POLD1: variants seen among roughly 807,000 people sequenced by gnomAD.
The protein encoded by POLD1 is DNA polymerase delta 1, catalytic subunit.
A neutral mutation model predicts 129.7 loss-of-function variants in POLD1; 79 were observed. The observed-to-expected ratio is 0.61, with a 90% CI of 0.51 to 0.73. The LOEUF (loss-of-function observed/expected upper bound fraction) is 0.73. Ranked by LOEUF, POLD1 falls within the 30% of genes least tolerant of loss-of-function variation. The probability of loss-of-function intolerance (pLI) is 0.00; values close to 1 mark genes in which losing one functional copy is unlikely to be tolerated. For synonymous variants in POLD1, 714 were observed against 683.3 expected (o/e 1.04, Z -0.70); for missense variants, 1,338 against 1,595.8 (o/e 0.84, Z 2.75).
chr19:50,408,638 C>T (rs2038983142), intron 14 of POLD1, 147 bp from the exon 15 acceptor site: 2 of 1,230,930 alleles, frequency 1.6e-6, no homozygotes, highest in African/African-American at 1.5e-5. Flanking sequence ...CTGCCTCAGC[C>T]TCCCAATGTG....
At chr19:50,416,840 G>C in intron 24 of POLD1, 117 bp downstream of exon 24, 1 of 965,826 alleles carries the variant, frequency 1.0e-6, no homozygotes, top group South Asian at 1.7e-5. Context: ...CAGGGCCCCT[G>C]GGTGGGTGGC....
At chr19:50,386,805 C>T (rs1186479565) in intron 1 of POLD1, among the ~76,000 whole-genome samples, 1 of 152,206 alleles carries the variant, frequency 6.6e-6, no homozygotes, top group East Asian at 1.9e-4. Flanking sequence ...CCAGGCAGTC[C>T]AGAGACAGCA....
At position 50,406,603 on chromosome 19, in the gene POLD1, C is replaced by A. The variant is rs1263645903; in HGVS notation, c.1494+86C>A. On this transcript the variant is annotated intron_variant, in intron 12 of 26. Transcript: ENST00000440232. The surrounding 1 kb of genome is among the most constrained non-coding windows in gnomAD (Gnocchi z 5.5). ...GCCTCTGACCTCAACTTCACGCCCC[C>A]ACGTCTGACCTCACTCTTTGACCTG... The A allele has an allele frequency of 1.0e-6, 1 of 953,548 alleles. No individual in the cohort carries two copies. Among genetic ancestry groups the A allele is most frequent in the South Asian group, 1.4e-5 (1 of 70,040 alleles). 59.1% of individuals were successfully genotyped at this position (953,548 alleles called of 1,614,324 possible).
At chr19:50,407,725 A>ATTTTTTTTT (rs571759517) in intron 14 of POLD1, among the ~76,000 whole-genome samples, 57 of 95,298 alleles carry the variant, frequency 6.0e-4, no homozygotes, top group African/African-American at 2.0e-3. Context: ...CGCCTGGCTA[A>ATTTTTTTTT]TTTTTTTTTT....
intron 1 of POLD1, among the ~76,000 whole-genome samples, chr19:50,390,652 T>C (rs986521991): frequency 2.6e-4 from 39 of 151,492 alleles, no homozygotes; most frequent in Non-Finnish European, 4.4e-4. Flanking sequence ...CATAGGACAA[T>C]AGTGGAGGGA....
intron 24 of POLD1, 91 bp from the exon 25 acceptor site, chr19:50,416,954 C>G: frequency 7.3e-7 from 1 of 1,363,980 alleles, no homozygotes. Flanking sequence ...CCTCTGGGGA[C>G]TTTCAGAAGC....
At position 50,406,659 on chromosome 19, in the gene POLD1, C is replaced by A. The variant is rs928271863; in HGVS notation, c.1494+142C>A. 1 of 678,192 alleles carries A rather than the reference C, an allele frequency of 1.5e-6. No individual in the cohort carries two copies. Among genetic ancestry groups the A allele is most frequent in the Non-Finnish European group, 2.6e-6 (1 of 384,916 alleles). The allele number at this position is 678,192 out of a possible 1,614,324, so 42.0% of individuals were successfully genotyped here. A position where few individuals can be genotyped will look rare whatever the true frequency, so the allele number is the denominator to read the frequency against. Reference sequence around the variant, plus strand: ...ATGACCTGTGACCTTACCTGACGCCCACTTTTTCCTGACCTCTGACCCCAG... The same window carrying A: ...ATGACCTGTGACCTTACCTGACGCCAACTTTTTCCTGACCTCTGACCCCAG... On this transcript the variant is annotated intron_variant, in intron 12 of 26. Transcript: ENST00000440232. The surrounding 1 kb of genome is among the most constrained non-coding windows in gnomAD (Gnocchi z 5.5).
At chr19:50,414,753 G>A in intron 19 of POLD1, 62 bp from the exon 20 acceptor site, 1 of 1,322,026 alleles carries the variant, frequency 7.6e-7, no homozygotes, top group East Asian at 2.7e-5. Context: ...TTTCTGGGGG[G>A]CGTCTCCAGA....
At chr19:50,388,756 T>G (rs940536670) in intron 1 of POLD1, among the ~76,000 whole-genome samples, 6 of 150,288 alleles carry the variant, frequency 4.0e-5, no homozygotes, top group Admixed American at 2.0e-4. Context: ...TTTGTCCTTT[T>G]TTTGGCTGAA....
At position 50,406,132 on chromosome 19, in the gene POLD1, T is replaced by G. The variant is rs1673041; in HGVS notation, c.1243-50T>G. The G allele has an allele frequency of 0.75, 1,195,732 of 1,588,260 alleles. 457,142 individuals carry two copies. Among genetic ancestry groups the G allele is most frequent in the African/African-American group, 0.9 (67,306 of 74,624 alleles). ...GGTCTCAATCTCCGTTCTTCAGGCTTATGTGACGGGGACCCGCAGCCTGCT... is the reference window on the plus strand; with the variant it reads ...GGTCTCAATCTCCGTTCTTCAGGCTGATGTGACGGGGACCCGCAGCCTGCT... On this transcript the variant is annotated intron_variant, in intron 10 of 26. Transcript: ENST00000440232. The surrounding 1 kb of genome is among the most constrained non-coding windows in gnomAD (Gnocchi z 5.5).
Position 50,407,338 on chromosome 19 carries a change from G to A in POLD1, c.1698G>A (p.Glu566=). 1 of 1,612,872 alleles carries A rather than the reference G, an allele frequency of 6.2e-7. No individual in the cohort carries two copies. Residue 566 remains glutamate (E), a synonymous_variant, in exon 14 of 27, where the codon GAG becomes GAA. Transcript: ENST00000440232. ...VSQLLRQAMH[E]GLLMPVVKSE... Reference sequence around the variant, plus strand: ...TTCTCCCCTCCCAGGCCATGCACGAGGGGCTGCTGATGCCCGTGGTGAAGT... The same window carrying A: ...TTCTCCCCTCCCAGGCCATGCACGAAGGGCTGCTGATGCCCGTGGTGAAGT...
intron 17 of POLD1, among the ~76,000 whole-genome samples, chr19:50,413,138 T>G (rs1229002792): frequency 1.3e-5 from 2 of 152,198 alleles, no homozygotes; most frequent in African/African-American, 4.8e-5. Flanking sequence ...ACTGGGCCAG[T>G]GGCCTCTTCA....
At chr19:50,403,307 C>T (rs1316468988) in intron 9 of POLD1, 88 bp downstream of exon 9, 8 of 1,372,424 alleles carry the variant, frequency 5.8e-6, no homozygotes, top group Non-Finnish European at 7.9e-6. Context: ...TGCTGCGACG[C>T]CCATGTCTGT....
intron 1 of POLD1, among the ~76,000 whole-genome samples, chr19:50,384,642 G>C (rs971391422): frequency 6.6e-6 from 1 of 152,166 alleles, no homozygotes; most frequent in African/African-American, 2.4e-5. Flanking sequence ...GACGTGGCCC[G>C]GGAGGAGCTG....
At chr19:50,417,671 T>TCCCCCCCCCCCCCCCCCCC (rs3840923) in intron 26 of POLD1, among the ~76,000 whole-genome samples, 171 bp from the exon 27 acceptor site, 18 of 110,508 alleles carry the variant, frequency 1.6e-4, no homozygotes, top group East Asian at 5.8e-4. Flanking sequence ...TGTTATCGGC[T>TCCCCCCCCCCCCCCCCCCC]CCCCCCCCCC....
intron 10 of POLD1, among the ~76,000 whole-genome samples, chr19:50,404,916 C>T (rs1357119830): frequency 6.6e-6 from 1 of 152,068 alleles, no homozygotes; most frequent in Non-Finnish European, 1.5e-5. Context: ...TATAGGCACC[C>T]GCTTCCATGC....
intron 1 of POLD1, among the ~76,000 whole-genome samples, chr19:50,394,497 C>CA (rs1188049102): frequency 1.3e-5 from 2 of 150,716 alleles, no homozygotes; most frequent in Non-Finnish European, 3.0e-5. Flanking sequence ...ACTAAAAATA[C>CA]AAAAAAAAAT....
chr19:50,393,660 T>C (rs554571099), intron 1 of POLD1, among the ~76,000 whole-genome samples: 1 of 152,312 alleles, frequency 6.6e-6, no homozygotes, highest in Non-Finnish European at 1.5e-5. Context: ...AGTGAGATCC[T>C]GTCTCAATAA....
chr19:50,394,439 G>A (rs1484280396), intron 1 of POLD1, among the ~76,000 whole-genome samples: 1 of 152,066 alleles, frequency 6.6e-6, no homozygotes, highest in Non-Finnish European at 1.5e-5. Flanking sequence ...ATCATCTGAG[G>A]TCAGGAGTTC....
Sources: gnomAD v4.1 joint callset for allele counts (sites outside exome capture counted in the v4.1 genomes callset) on GRCh38, gnomAD v4.1.1 for gene constraint, Gnocchi (gnomAD v3.1) non-coding constraint, MANE v1.5 for transcripts, NCBI Gene and HGNC (gene_info 2026-07-23, HGNC 2026-07-21) for gene names.